MPHOSPH9: variants seen among roughly 807,000 people sequenced by gnomAD.
The protein encoded by MPHOSPH9 is M-phase phosphoprotein 9.
Under a neutral mutation model 145.5 loss-of-function variants are expected in MPHOSPH9, and 88 were observed. The ratio of observed to expected loss-of-function variants is 0.60; its 90% CI spans 0.51 to 0.72. The LOEUF is 0.72. Ranked by LOEUF, MPHOSPH9 falls within the 30% of genes least tolerant of loss-of-function variation. MPHOSPH9 has a pLI of 0.00. For missense variants in MPHOSPH9, 1,238 were observed against 1,386.6 expected (o/e 0.89, Z 1.70); for synonymous variants, 435 against 486.2 (o/e 0.89, Z 1.39).
At chr12:123,226,938 T>C (rs1565978247) in intron 3 of MPHOSPH9, among the ~76,000 whole-genome samples, 1 of 152,212 alleles carries the variant, frequency 6.6e-6, no homozygotes, top group Non-Finnish European at 1.5e-5. Context: ...TGCTCGGCCA[T>C]GTAAGTATTC....
At chr12:123,153,826 T>C (rs1211667383), downstream of MPHOSPH9, among the ~76,000 whole-genome samples, 1 of 150,894 alleles carries the variant, frequency 6.6e-6, no homozygotes, top group African/African-American at 2.4e-5. Flanking sequence ...TCAATGAATC[T>C]GAAATATAAT....
At chr12:123,219,370 G>A (rs372805909) in intron 5 of MPHOSPH9, among the ~76,000 whole-genome samples, 3 of 151,458 alleles carry the variant, frequency 2.0e-5, no homozygotes, top group East Asian at 2.0e-4. Context: ...AGGCTGAGGC[G>A]GGTGGATCAC....
rs764543936 is a variant in MPHOSPH9, at chr12:123,221,774, G to A, written c.470C>T (p.Ser157Phe). ...AGATTCATTTCTCTCACTGCTTAGAGAAAAAAAACCCATTTGACTTTCCGA... is the reference window on the plus strand; with the variant it reads ...AGATTCATTTCTCTCACTGCTTAGAAAAAAAAAACCCATTTGACTTTCCGA... Reference protein sequence around the residue: ...VSSESQMGFFSLSSERNESVI... With the variant: ...VSSESQMGFFFLSSERNESVI... Residue 157 changes from serine (S) to phenylalanine (F), a missense_variant, in exon 5 of 24, where the codon TCT becomes TTT. This residue lies in a region of MPHOSPH9 where 837 missense variants were observed against 897.5 expected (regional missense o/e 0.93). Coordinates refer to ENST00000606320, the MANE Select transcript of MPHOSPH9 (RefSeq NM_022782.4). 3.1e-6 allele frequency: 5 copies of A among 1,613,166 alleles called. No individual in the cohort carries two copies. The highest frequency in any genetic ancestry group is 4.2e-6 in the Non-Finnish European group (5 of 1,179,762).
At chr12:123,172,626 C>A (rs1161638244) in intron 16 of MPHOSPH9, among the ~76,000 whole-genome samples, 2 of 152,152 alleles carry the variant, frequency 1.3e-5, no homozygotes, top group African/African-American at 4.8e-5. Flanking sequence ...GGCCACCACG[C>A]CCAGTCCGTC....
At chr12:123,162,974 T>G (rs745926965) in intron 20 of MPHOSPH9, 40 bp downstream of exon 20, 13 of 1,509,122 alleles carry the variant, frequency 8.6e-6, no homozygotes, top group Middle Eastern at 3.5e-4. Flanking sequence ...AAAAAATCAC[T>G]AATATAGTAA....
chr12:123,164,167 C>T (rs1593066511), intron 18 of MPHOSPH9, 77 bp from the exon 19 acceptor site: 1 of 1,531,854 alleles, frequency 6.5e-7, no homozygotes, highest in South Asian at 1.1e-5. Context: ...CCTTTATTAA[C>T]AGGTGGTTAC....
At chr12:123,195,504 T>C (rs1033856188) in intron 12 of MPHOSPH9, among the ~76,000 whole-genome samples, 5 of 151,618 alleles carry the variant, frequency 3.3e-5, no homozygotes, top group Non-Finnish European at 7.4e-5. Context: ...GAGAATCACT[T>C]GAACCCAGGA....
chr12:123,208,533 C>CA (rs373218740), intron 8 of MPHOSPH9, among the ~76,000 whole-genome samples: 6,727 of 111,110 alleles, frequency 0.061, 396 homozygotes, highest in East Asian at 0.28. Context: ...GAAACTGTCT[C>CA]AAAAAAAAAA....
intron 13 of MPHOSPH9, among the ~76,000 whole-genome samples, chr12:123,182,262 T>TTTTC (rs1565918866): frequency 6.3e-5 from 7 of 110,360 alleles, no homozygotes; most frequent in Non-Finnish European, 9.2e-5. Context: ...TTTTTTTTTG[T>TTTTC]TTTTTTTTTT....
chr12:123,232,325 G>T (rs2047681859), intron 1 of MPHOSPH9, among the ~76,000 whole-genome samples: 1 of 151,998 alleles, frequency 6.6e-6, no homozygotes, highest in African/African-American at 2.4e-5. Flanking sequence ...GCTGGGGGGA[G>T]GGCAGGGAAG....
chr12:123,239,301 A>G (rs561963694), intron 1 of MPHOSPH9, among the ~76,000 whole-genome samples: 1 of 152,206 alleles, frequency 6.6e-6, no homozygotes, highest in Non-Finnish European at 1.5e-5. Context: ...TGTGGAAATA[A>G]TAGTTTTGAT....
At chr12:123,168,849 C>G (rs1256335383) in intron 16 of MPHOSPH9, among the ~76,000 whole-genome samples, 1 of 151,534 alleles carries the variant, frequency 6.6e-6, no homozygotes, top group Admixed American at 6.6e-5. Flanking sequence ...GCTGCCTCTT[C>G]TATCTACATT....
At chr12:123,163,493 G>T in intron 19 of MPHOSPH9, 2 of 202,604 alleles carry the variant, frequency 9.9e-6, no homozygotes, top group Admixed American at 5.6e-5. Context: ...TTCAGGACAG[G>T]AATTCAATGC....
chr12:123,177,681 T>A (rs975294972), intron 15 of MPHOSPH9, among the ~76,000 whole-genome samples: 2 of 152,216 alleles, frequency 1.3e-5, no homozygotes, highest in African/African-American at 4.8e-5. Context: ...GTTATATAAA[T>A]TTGACTACAG....
At chr12:123,213,050 G>A (rs894165268) in intron 7 of MPHOSPH9, among the ~76,000 whole-genome samples, 4 of 151,374 alleles carry the variant, frequency 2.6e-5, no homozygotes, top group South Asian at 4.2e-4. Context: ...TAGTAGAGAC[G>A]GGGTTTCACT....
At chr12:123,240,284 G>A (rs1175949139) in intron 1 of MPHOSPH9, among the ~76,000 whole-genome samples, 1 of 151,144 alleles carries the variant, frequency 6.6e-6, no homozygotes, top group Non-Finnish European at 1.5e-5. Flanking sequence ...TGAGGCAGGA[G>A]AATTGCTAGA....
In MPHOSPH9 at chr12:123,165,608, C is replaced by T. The variant is rs941834504; in HGVS notation, c.2592-131G>A. 19 of 816,846 alleles carry T rather than the reference C, an allele frequency of 2.3e-5. No individual in the cohort carries two copies. In the East Asian group the frequency reaches 3.1e-4, roughly 13 times the overall value. 50.6% of individuals were successfully genotyped at this position (816,846 alleles called of 1,614,324 possible). ...ATGGTGTGTGGAGGTGGGGTCTTTA[C>T]GAGGTAATTAGGGTTGGATGAGGTC... On this transcript the variant is annotated intron_variant, in intron 17 of 23. Transcript: ENST00000606320.
At position 123,214,683 on chromosome 12, in the gene MPHOSPH9, A is replaced by C. The variant is rs1593213568; in HGVS notation, c.1087+61T>G. 5 of 1,317,810 alleles carry C rather than the reference A, an allele frequency of 3.8e-6. No individual in the cohort carries two copies. The East Asian group carries it at 1.2e-4, about 31-fold the overall frequency. The allele number at this position is 1,317,810 out of a possible 1,614,324, so 81.6% of individuals were successfully genotyped here. ...TTAAAAATAATGCTCTAAAAATCTA[A>C]GTACCTTCCTCTGAGTGTATGTAGT... On this transcript the variant is annotated intron_variant, in intron 7 of 23. Transcript: ENST00000606320.
chr12:123,160,070 C>T (rs1031455404), intron 23 of MPHOSPH9: 1 of 152,122 alleles, frequency 6.6e-6, no homozygotes, highest in African/African-American at 2.4e-5. Context: ...GGGGTTTCAC[C>T]ATGTGGGCCA....
Sources: allele counts gnomAD v4.1 joint callset (sites outside exome capture counted in the v4.1 genomes callset), GRCh38; gene constraint gnomAD v4.1.1; regional missense constraint gnomAD v4.1.1; transcripts MANE v1.5; gene names NCBI Gene and HGNC (gene_info 2026-07-23, HGNC 2026-07-21).